Variants in GUCY2C observed in about 807,000 individuals in gnomAD.
GUCY2C encodes guanylyl cyclase C.
Under a neutral mutation model 131.1 loss-of-function variants are expected in GUCY2C, and 118 were observed. That is an observed-to-expected ratio of 0.90 (90% CI 0.78 to 1.05). The LOEUF (loss-of-function observed/expected upper bound fraction) is 1.05, where lower values mean the gene tolerates loss of function less well. Among genes scored for constraint, GUCY2C ranks in the 50% least tolerant of loss-of-function variants. The probability of loss-of-function intolerance (pLI) is 0.00; values close to 1 mark genes in which losing one functional copy is unlikely to be tolerated. For missense variants in GUCY2C, 1,161 were observed against 1,304.4 expected (o/e 0.89, Z 1.69); for synonymous variants, 452 against 457.8 (o/e 0.99, Z 0.16).
chr12:14,667,399 A>G (rs1948004063), intron 10 of GUCY2C, among the ~76,000 whole-genome samples: 1 of 152,228 alleles, frequency 6.6e-6, no homozygotes, highest in African/African-American at 2.4e-5. Flanking sequence ...AATCATAGCA[A>G]TAAATCTGAA....
At chr12:14,643,451 C>T in intron 17 of GUCY2C, 123 bp downstream of exon 17, 1 of 770,236 alleles carries the variant, frequency 1.3e-6, no homozygotes, top group Non-Finnish European at 2.2e-6. Context: ...AATGAGCCAG[C>T]TGTTGTCTCT....
rs557086294 is a variant in GUCY2C at position 14,674,161 on chromosome 12, T to G, written c.1084+464A>C. 1.2e-4 allele frequency: 21 copies of G among 175,814 alleles called. No individual in the cohort carries two copies. The South Asian group carries it at 2.7e-3, about 23-fold the overall frequency. The allele number at this position is 175,814 out of a possible 1,614,324, so 10.9% of individuals were successfully genotyped here. A position where few individuals can be genotyped will look rare whatever the true frequency, so the allele number is the denominator to read the frequency against. Reference sequence around the variant, plus strand: ...GGCTTGTAGGAAAGGGCAACATTGATCCATGCAGCTCAGGAGGTTTGTGTT... The same window carrying G: ...GGCTTGTAGGAAAGGGCAACATTGAGCCATGCAGCTCAGGAGGTTTGTGTT... On this transcript the variant is annotated intron_variant, in intron 8 of 26. Coordinates refer to ENST00000261170, the MANE Select transcript of GUCY2C (RefSeq NM_004963.4).
chr12:14,687,200 T>G (rs139089219), intron 2 of GUCY2C, among the ~76,000 whole-genome samples: 40 of 152,302 alleles, frequency 2.6e-4, no homozygotes, highest in African/African-American at 9.4e-4. Flanking sequence ...TGACCTGATA[T>G]ATGGTGATGA....
At chr12:14,670,539 C>T (rs1948083633) in intron 9 of GUCY2C, among the ~76,000 whole-genome samples, 1 of 152,068 alleles carries the variant, frequency 6.6e-6, no homozygotes, top group African/African-American at 2.4e-5. Context: ...GCTGTGTCCC[C>T]ACCAAAATCT....
intron 15 of GUCY2C, among the ~76,000 whole-genome samples, chr12:14,649,918 C>T (rs923347747): frequency 1.4e-4 from 22 of 152,024 alleles, no homozygotes; most frequent in African/African-American, 4.3e-4. Context: ...TTTTTTGAAA[C>T]AGATTTCATG....
Position 14,660,791 on chromosome 12 carries a change from G to A in GUCY2C, c.1364+190C>T, listed in dbSNP as rs373703349. 4.6e-5 allele frequency among the ~76,000 whole-genome samples: 7 copies of A among 152,260 alleles called. No individual in the cohort carries two copies. The South Asian group carries it at 1.5e-3, about 32-fold the overall frequency. ...GAGTTCAGGCATCTTTGGCTTCAAAGCCCTAATCTATTCACTCAATAATAT... is the reference window on the plus strand; with the variant it reads ...GAGTTCAGGCATCTTTGGCTTCAAAACCCTAATCTATTCACTCAATAATAT... On this transcript the variant is annotated intron_variant, in intron 11 of 26. Transcript: ENST00000261170.
intron 21 of GUCY2C, among the ~76,000 whole-genome samples, chr12:14,623,824 G>A (rs896249388): frequency 6.6e-6 from 1 of 152,116 alleles, no homozygotes; most frequent in African/African-American, 2.4e-5. Flanking sequence ...TGCGAAGAAG[G>A]TGCTTGCTTC....
At chr12:14,673,108 C>T in intron 8 of GUCY2C, 150 bp from the exon 9 acceptor site, 1 of 556,806 alleles carries the variant, frequency 1.8e-6, no homozygotes, top group Non-Finnish European at 3.3e-6. Context: ...AATCAGATGG[C>T]ACCTGGATTG....
chr12:14,683,570 A>G (rs1016136174), intron 3 of GUCY2C, among the ~76,000 whole-genome samples: 5 of 152,194 alleles, frequency 3.3e-5, no homozygotes, highest in African/African-American at 1.2e-4. Flanking sequence ...GCTAAGAAAA[A>G]GGATGGACCA....
chr12:14,652,077 T>G (rs1592114120), intron 13 of GUCY2C, 47 bp from the exon 14 acceptor site: 1 of 1,004,536 alleles, frequency 1.0e-6, no homozygotes, highest in South Asian at 1.3e-5. Context: ...GGTGTAACTC[T>G]TTACATGCAT....
chr12:14,686,087 C>A, intron 3 of GUCY2C, 74 bp downstream of exon 3: 1 of 906,032 alleles, frequency 1.1e-6, no homozygotes, highest in Non-Finnish European at 1.8e-6. Flanking sequence ...GTTGGCTTGA[C>A]TAGACTGTTG....
chr12:14,626,640 G>T (rs990660248), intron 20 of GUCY2C, among the ~76,000 whole-genome samples: 7 of 152,088 alleles, frequency 4.6e-5, no homozygotes, highest in Non-Finnish European at 7.4e-5. Context: ...TAACAAAAGT[G>T]TGGTTAAAAT....
rs1385958083 is a variant in GUCY2C at position 14,671,281 on chromosome 12, G to C, written c.1171-1448C>G. 3.3e-5 allele frequency among the ~76,000 whole-genome samples: 5 copies of C among 152,138 alleles called. No homozygotes were observed. In the East Asian group the frequency reaches 9.7e-4, roughly 29 times the overall value. On this transcript the variant is annotated intron_variant, in intron 9 of 26. Transcript: ENST00000261170. ...GCCTCCCAAGTAGCTGGAATTACAG[G>C]CATGCACCACCATGCCCGGCTAATT...
chr12:14,614,781 A>T, intron 26 of GUCY2C, 86 bp downstream of exon 26: 1 of 749,140 alleles, frequency 1.3e-6, no homozygotes. Context: ...GCCACTTGTA[A>T]GGCATTTGCC....
At chr12:14,661,510 C>T (rs767147203) in intron 10 of GUCY2C, among the ~76,000 whole-genome samples, 29 of 152,076 alleles carry the variant, frequency 1.9e-4, no homozygotes, top group Non-Finnish European at 4.3e-4. Context: ...GCAGTCTTGG[C>T]TCACTGCAAC....
chr12:14,655,315 G>A (rs1947742010), intron 12 of GUCY2C, among the ~76,000 whole-genome samples: 1 of 152,180 alleles, frequency 6.6e-6, no homozygotes, highest in African/African-American at 2.4e-5. Flanking sequence ...GTGAATTACT[G>A]TTAAATTGAT....
chr12:14,677,684 C>T, intron 6 of GUCY2C, among the ~76,000 whole-genome samples: 1 of 151,932 alleles, frequency 6.6e-6, no homozygotes, highest in East Asian at 1.9e-4. Flanking sequence ...AATTCTCCTG[C>T]CTCAGCCTCC....
chr12:14,666,592 G>A (rs1258228335), intron 10 of GUCY2C, among the ~76,000 whole-genome samples: 1 of 151,952 alleles, frequency 6.6e-6, no homozygotes, highest in Non-Finnish European at 1.5e-5. Context: ...AAAATTAGCC[G>A]GGCGTGGCGG....
intron 9 of GUCY2C, among the ~76,000 whole-genome samples, chr12:14,671,924 A>T (rs1948120712): frequency 2.0e-5 from 3 of 152,240 alleles, no homozygotes; most frequent in African/African-American, 7.2e-5. Flanking sequence ...AATTACATTT[A>T]TGGAATGCTG....
Sources: allele counts gnomAD v4.1 joint callset (sites outside exome capture counted in the v4.1 genomes callset), GRCh38; gene constraint gnomAD v4.1.1; transcripts MANE v1.5; gene names NCBI Gene and HGNC (gene_info 2026-07-23, HGNC 2026-07-21).